Variants in OPTN observed in about 807,000 individuals in gnomAD.
OPTN encodes the protein optineurin, also known as E3-14.7K-interacting protein.
In OPTN, 54 loss-of-function variants were observed where a neutral mutation model predicts 70.4. The ratio of observed to expected loss-of-function variants is 0.77; its 90% CI spans 0.62 to 0.96. The LOEUF (loss-of-function observed/expected upper bound fraction) is 0.96, where lower values mean the gene tolerates loss of function less well. Among genes scored for constraint, OPTN ranks in the 40% least tolerant of loss-of-function variants. OPTN has a pLI of 0.00. For synonymous variants in OPTN, 256 were observed against 248.5 expected (o/e 1.03, Z -0.28); for missense variants, 624 against 673.2 (o/e 0.93, Z 0.81).
intron 12 of OPTN, among the ~76,000 whole-genome samples, chr10:13,128,477 T>C (rs1564366863): frequency 7.3e-6 from 1 of 136,122 alleles, no homozygotes; most frequent in East Asian, 2.2e-4. Context: ...GTATCCTCTT[T>C]TGTGAAGTGC....
At chr10:13,111,636 T>C (rs2131486324) in intron 4 of OPTN, among the ~76,000 whole-genome samples, 1 of 151,850 alleles carries the variant, frequency 6.6e-6, no homozygotes, top group Admixed American at 6.6e-5. Context: ...AGGTGGAGGA[T>C]GCAGTAAGCT....
Position 13,110,033 on chromosome 10 carries a change from C to T in OPTN, c.167-241C>T, listed in dbSNP as rs1255515857. ...TATTTAGATATTTGTGCTGTAGTGG[C>T]GGTACCCAAATCCACTTTATTTTCT... On this transcript the variant is annotated intron_variant, in intron 3 of 14. Coordinates refer to ENST00000378747, the MANE Select transcript of OPTN (RefSeq NM_001008212.2). The T allele has an allele frequency of 5.3e-6, 3 of 564,488 alleles. No homozygotes were observed. The African/African-American group carries it at 5.7e-5, about 11-fold the overall frequency. 35.0% of individuals were successfully genotyped at this position (564,488 alleles called of 1,614,324 possible).
At chr10:13,104,752 C>T (rs923025993) in intron 1 of OPTN, 25 of 660,966 alleles carry the variant, frequency 3.8e-5, no homozygotes, top group Non-Finnish European at 6.8e-5. Context: ...TCAATGATAA[C>T]TTCTTGTCCA....
chr10:13,104,151 A>G lies in OPTN; in HGVS notation c.-164+3849A>G, dbSNP rs1412396361. ...GGCATTCCACCGACAGATATTTCAT[A>G]TGTGCACTGCACAGTGATAGCTCAT... On this transcript the variant is annotated intron_variant, in intron 1 of 14. Transcript: ENST00000378747. Among the ~76,000 whole-genome samples the G allele has an allele frequency of 1.3e-5, 2 of 152,034 alleles. 1 individual carries two copies. The highest frequency in any genetic ancestry group is 1.3e-4 in the Admixed American group (2 of 15,260).
chr10:13,137,268 G>C lies in OPTN; in HGVS notation c.*402G>C, dbSNP rs1030977574. The C allele has an allele frequency of 5.9e-6, 2 of 336,358 alleles. No individual in the cohort carries two copies. Among genetic ancestry groups the C allele is most frequent in the African/African-American group, 4.1e-5 (2 of 48,238 alleles). The allele number at this position is 336,358 out of a possible 1,614,324, so 20.8% of individuals were successfully genotyped here. ...CACTCCAGCCTGGGTGACAGAGGGA[G>C]ACTCTGTCTCGAAAGAAAGAAAGAA... On this transcript the variant is annotated 3_prime_UTR_variant, in exon 15 of 15. Coordinates refer to ENST00000378747, the MANE Select transcript of OPTN (RefSeq NM_001008212.2).
At chr10:13,107,417 C>T (rs1184884983) in intron 1 of OPTN, among the ~76,000 whole-genome samples, 4 of 134,430 alleles carry the variant, frequency 3.0e-5, no homozygotes, top group Non-Finnish European at 4.7e-5. Context: ...GAGACTCTGT[C>T]GCCCATGCTG....
intron 5 of OPTN, among the ~76,000 whole-genome samples, chr10:13,115,666 C>T: frequency 7.0e-6 from 1 of 142,004 alleles, no homozygotes; most frequent in South Asian, 2.1e-4. Context: ...TACGTATATA[C>T]CTAGAACTAT....
At chr10:13,129,566 T>C (rs1202571442) in intron 12 of OPTN, among the ~76,000 whole-genome samples, 1 of 138,708 alleles carries the variant, frequency 7.2e-6, no homozygotes, top group Non-Finnish European at 1.6e-5. Flanking sequence ...TTAGCCATGG[T>C]GGTCTCGAAC....
chr10:13,112,487 A>G lies in OPTN; in HGVS notation c.404A>G (p.Glu135Gly), dbSNP rs372714385. Residue 135 changes from glutamate (E) to glycine (G), a missense_variant, in exon 5 of 15, where the codon GAA (glutamate) becomes GGA (glycine). Coordinates refer to ENST00000378747, the MANE Select transcript of OPTN (RefSeq NM_001008212.2). ...GATGACTCCAGGCTTCCCAGGGCCG[A>G]AGCGGAGCAGGAAAAGGACCAGCTC... Reference protein sequence around the residue: ...PTDDSRLPRAEAEQEKDQLRT... With the variant: ...PTDDSRLPRAGAEQEKDQLRT... 3 of 1,613,930 alleles carry G rather than the reference A, an allele frequency of 1.9e-6. No individual in the cohort carries two copies. In the East Asian group the frequency reaches 6.7e-5, roughly 36 times the overall value.
At chr10:13,107,884 A>C (rs1159939591) in intron 1 of OPTN, among the ~76,000 whole-genome samples, 1 of 152,144 alleles carries the variant, frequency 6.6e-6, no homozygotes, top group Admixed American at 6.5e-5. Flanking sequence ...CATCATTTTC[A>C]CCAAGTGTGA....
intron 1 of OPTN, among the ~76,000 whole-genome samples, chr10:13,106,711 C>A (rs1832872313): frequency 6.6e-6 from 1 of 152,238 alleles, no homozygotes; most frequent in Non-Finnish European, 1.5e-5. Context: ...CAAGGTATTG[C>A]CTCCTGTGGC....
chr10:13,129,133 T>A (rs1833536728), intron 12 of OPTN, among the ~76,000 whole-genome samples: 1 of 152,174 alleles, frequency 6.6e-6, no homozygotes, highest in South Asian at 2.1e-4. Context: ...TTGGCTTTTG[T>A]CTATAGAAAA....
chr10:13,101,303 G>A (rs1049511576), intron 1 of OPTN, among the ~76,000 whole-genome samples: 1 of 152,046 alleles, frequency 6.6e-6, no homozygotes, highest in East Asian at 1.9e-4. Context: ...TATATATTAC[G>A]TACAACACAA....
At chr10:13,115,457 T>G (rs551543835) in intron 5 of OPTN, among the ~76,000 whole-genome samples, 10 of 100,714 alleles carry the variant, frequency 9.9e-5, no homozygotes, top group African/African-American at 3.8e-4. Flanking sequence ...ATATTCTATA[T>G]TATATAATAT....
intron 12 of OPTN, among the ~76,000 whole-genome samples, chr10:13,128,497 C>T (rs1223522319): frequency 1.3e-5 from 1 of 76,184 alleles, no homozygotes; most frequent in African/African-American, 5.2e-5. Context: ...CCTTATCAAG[C>T]CTGCCTTTTT....
At chr10:13,107,689 A>G (rs992448470) in intron 1 of OPTN, among the ~76,000 whole-genome samples, 1 of 152,068 alleles carries the variant, frequency 6.6e-6, no homozygotes, top group African/African-American at 2.4e-5. Context: ...CTCAAAAACA[A>G]TCTTCTAACA....
chr10:13,120,730 A>C (rs1404624749), intron 7 of OPTN, among the ~76,000 whole-genome samples: 1 of 152,152 alleles, frequency 6.6e-6, no homozygotes, highest in East Asian at 1.9e-4. Flanking sequence ...CCAGTACCAC[A>C]ATGTCTTGAG....
intron 9 of OPTN, among the ~76,000 whole-genome samples, 189 bp from the exon 10 acceptor site, chr10:13,125,229 T>G (rs1405857700): frequency 6.6e-6 from 1 of 152,222 alleles, no homozygotes; most frequent in Non-Finnish European, 1.5e-5. Flanking sequence ...TTTTTTATGT[T>G]TAGGCGTAAG....
chr10:13,118,940 G>C lies in OPTN; in HGVS notation c.679G>C (p.Glu227Gln). ...RSADGAKNYFEHEELTVSQLL... is the reference protein window; with the variant it reads ...RSADGAKNYFQHEELTVSQLL... Reference sequence around the variant, plus strand: ...TGCAGATGGGGCCAAGAATTACTTCGAACATGAGGAGTTAACTGTGAGCCA... The same window carrying C: ...TGCAGATGGGGCCAAGAATTACTTCCAACATGAGGAGTTAACTGTGAGCCA... Residue 227 changes from glutamate (E) to glutamine (Q), a missense_variant, in exon 7 of 15, where the codon GAA (glutamate) becomes CAA (glutamine). Physicochemically the swap from Glu to Gln is conservative, Grantham distance 29. Transcript: ENST00000378747. 1.9e-6 allele frequency: 3 copies of C among 1,613,996 alleles called. No homozygotes were observed. The East Asian group carries it at 6.7e-5, about 36-fold the overall frequency.
Sources: allele counts gnomAD v4.1 joint callset (sites outside exome capture counted in the v4.1 genomes callset), GRCh38; gene constraint gnomAD v4.1.1; transcripts MANE v1.5; gene names NCBI Gene and HGNC (gene_info 2026-07-23, HGNC 2026-07-21).